The following ROBO1 variants were observed in gnomAD, a reference collection of about 807,000 sequenced individuals.
The protein encoded by ROBO1 is roundabout guidance receptor 1.
In ROBO1, 149 loss-of-function variants were observed where a neutral mutation model predicts 195.9. The ratio of observed to expected loss-of-function variants is 0.76; its 90% CI spans 0.67 to 0.87. ROBO1 has a LOEUF of 0.87. ROBO1 is among the 40% of genes least tolerant of loss of function. ROBO1 has a pLI of 0.00. For synonymous variants in ROBO1, 816 were observed against 733.2 expected (o/e 1.11, Z -1.82); for missense variants, 1,933 against 2,068.3 (o/e 0.93, Z 1.27).
intron 4 of ROBO1, among the ~76,000 whole-genome samples, chr3:78,884,603 G>GAGAAAGAGAGAA (rs202051178): frequency 7.8e-6 from 1 of 128,862 alleles, no homozygotes; most frequent in Non-Finnish European, 1.6e-5. Context: ...GAAAGAAAGA[G>GAGAAAGAGAGAA]AGAAAGAGAG....
At chr3:79,407,437 A>C (rs1362342350) in intron 2 of ROBO1, among the ~76,000 whole-genome samples, 2 of 152,180 alleles carry the variant, frequency 1.3e-5, no homozygotes, top group African/African-American at 4.8e-5. Context: ...TACATGATAC[A>C]AATTTATGAC....
intron 4 of ROBO1, among the ~76,000 whole-genome samples, chr3:78,859,951 C>G (rs553981131): frequency 6.6e-6 from 1 of 152,030 alleles, no homozygotes; most frequent in Middle Eastern, 3.4e-3. Flanking sequence ...TGGTGGCGGA[C>G]GCCTGTGGTC....
intron 5 of ROBO1, among the ~76,000 whole-genome samples, chr3:78,732,745 C>T (rs1025359444): frequency 9.9e-5 from 15 of 152,046 alleles, no homozygotes; most frequent in African/African-American, 3.6e-4. Flanking sequence ...GTACTCTATC[C>T]ACTCAAAGAG....
intron 2 of ROBO1, among the ~76,000 whole-genome samples, chr3:79,384,006 T>G (rs1484969561): frequency 1.3e-5 from 2 of 152,006 alleles, no homozygotes; most frequent in African/African-American, 2.4e-5. Context: ...TAGAGATAAT[T>G]TCACTTTTTT....
At chr3:79,574,413 C>T (rs1448601017) in intron 2 of ROBO1, among the ~76,000 whole-genome samples, 2 of 151,834 alleles carry the variant, frequency 1.3e-5, no homozygotes, top group Non-Finnish European at 2.9e-5. Context: ...AATTTTGCTA[C>T]CATAAATTTT....
rs191221820 is a variant in ROBO1, at chr3:79,631,608, T to C, written c.-50-41647A>G. Reference sequence around the variant, plus strand: ...ATTTATGACTTGGCCTCAAAGTCAATTGCAGCAGAAACAAAATAAGACAAG... The same window carrying C: ...ATTTATGACTTGGCCTCAAAGTCAACTGCAGCAGAAACAAAATAAGACAAG... On this transcript the variant is annotated intron_variant, in intron 1 of 30. Coordinates refer to ENST00000464233, the MANE Select transcript of ROBO1 (RefSeq NM_002941.4). Among the ~76,000 whole-genome samples, 504 of 152,116 alleles carry C rather than the reference T, an allele frequency of 3.3e-3. 1 individual carries two copies. Among genetic ancestry groups the C allele is most frequent in the Middle Eastern group, 0.01 (3 of 294 alleles).
chr3:78,808,730 A>G (rs1390454451), intron 4 of ROBO1, among the ~76,000 whole-genome samples: 1 of 152,234 alleles, frequency 6.6e-6, no homozygotes, highest in African/African-American at 2.4e-5. Flanking sequence ...AAACCTGACA[A>G]AAACAAGCAA....
intron 2 of ROBO1, among the ~76,000 whole-genome samples, chr3:79,419,746 A>G (rs1405162968): frequency 1.3e-5 from 2 of 152,096 alleles, no homozygotes; most frequent in African/African-American, 4.8e-5. Context: ...GACATAAAAC[A>G]TAAGCCATAA....
At chr3:79,601,792 T>A (rs1944347052) in intron 1 of ROBO1, among the ~76,000 whole-genome samples, 1 of 151,990 alleles carries the variant, frequency 6.6e-6, no homozygotes, top group South Asian at 2.1e-4. Context: ...TCACATTTGC[T>A]TTCATTTTGT....
chr3:79,274,789 T>A (rs1236642493), intron 2 of ROBO1, among the ~76,000 whole-genome samples: 1 of 151,820 alleles, frequency 6.6e-6, no homozygotes, highest in African/African-American at 2.4e-5. Context: ...AAATCCGAAA[T>A]GATGAAGGAA....
Position 78,598,313 on chromosome 3 carries a change from A to AAAG in ROBO1, c.*597_*599dup, listed in dbSNP as rs900507076. On this transcript the variant is annotated 3_prime_UTR_variant, in exon 31 of 31. Coordinates refer to ENST00000464233, the MANE Select transcript of ROBO1 (RefSeq NM_002941.4). ...AAAATAAAATACCACCAGGGTTTGCAAAGAGTAAATATTTACAATGTTTCT... is the reference window on the plus strand; with the variant it reads ...AAAATAAAATACCACCAGGGTTTGCAAAGAAGAGTAAATATTTACAATGTTTCT... 6.6e-6 allele frequency: 1 copy of AAAG among 152,402 alleles called. No individual in the cohort carries two copies. Among genetic ancestry groups the AAAG allele is most frequent in the African/African-American group, 2.4e-5 (1 of 41,466 alleles). 9.4% of individuals were successfully genotyped at this position (152,402 alleles called of 1,614,324 possible).
intron 8 of ROBO1, among the ~76,000 whole-genome samples, chr3:78,711,377 T>C (rs867737623): frequency 3.3e-5 from 1 of 30,154 alleles, no homozygotes; most frequent in Non-Finnish European, 7.1e-5. Flanking sequence ...CTTCCTTCCT[T>C]CCTTCCTTCC....
intron 3 of ROBO1, among the ~76,000 whole-genome samples, chr3:78,972,467 T>C (rs1379903883): frequency 6.6e-6 from 1 of 152,200 alleles, no homozygotes; most frequent in Non-Finnish European, 1.5e-5. Flanking sequence ...ATATTACAAT[T>C]TGAAAACAAA....
intron 17 of ROBO1, 43 bp downstream of exon 17, chr3:78,659,643 C>A: frequency 7.6e-7 from 1 of 1,310,936 alleles, no homozygotes; most frequent in African/African-American, 1.5e-5. Context: ...ATGGTGGGGG[C>A]TGCCCATCAG....
chr3:79,458,873 G>C (rs983715953), intron 2 of ROBO1, among the ~76,000 whole-genome samples: 1 of 151,744 alleles, frequency 6.6e-6, no homozygotes, highest in African/African-American at 2.4e-5. Context: ...CAATTTGCCA[G>C]AGTAATACTT....
chr3:79,464,656 A>G (rs1937852483), intron 2 of ROBO1, among the ~76,000 whole-genome samples: 1 of 152,184 alleles, frequency 6.6e-6, no homozygotes, highest in South Asian at 2.1e-4. Context: ...TATATCAGTT[A>G]TAGATTTGCA....
rs1323495811 is a variant in ROBO1 at position 79,429,425 on chromosome 3, C to T, written c.88+160399G>A. Among the ~76,000 whole-genome samples, 39 of 151,952 alleles carry T rather than the reference C, an allele frequency of 2.6e-4. 3 individuals are homozygous for T. Among genetic ancestry groups the T allele is most frequent in the Admixed American group, 2.6e-3 (39 of 15,222 alleles). ...TCTTCAGTTTTGCTCAAAGTCTGAC[C>T]CTCTCTCACACTCAGGTTCCGGGTC... On this transcript the variant is annotated intron_variant, in intron 2 of 30. Coordinates refer to ENST00000464233, the MANE Select transcript of ROBO1 (RefSeq NM_002941.4).
intron 2 of ROBO1, among the ~76,000 whole-genome samples, chr3:79,199,330 G>C (rs1330194949): frequency 1.3e-5 from 2 of 151,720 alleles, no homozygotes; most frequent in Non-Finnish European, 2.9e-5. Context: ...GAAGACTCAA[G>C]ACATTTCTAA....
chr3:78,838,626 T>C (rs1184099280), intron 4 of ROBO1, among the ~76,000 whole-genome samples: 1 of 151,952 alleles, frequency 6.6e-6, no homozygotes, highest in African/African-American at 2.4e-5. Flanking sequence ...TAACAACCAG[T>C]TCTCAAAGGA....
Sources: allele counts gnomAD v4.1 joint callset (sites outside exome capture counted in the v4.1 genomes callset), GRCh38; gene constraint gnomAD v4.1.1; transcripts MANE v1.5; gene names NCBI Gene and HGNC (gene_info 2026-07-23, HGNC 2026-07-21).